Variants in ARL6IP6 observed in about 807,000 individuals in gnomAD.
ARL6IP6 encodes the protein ARF like GTPase 6 interacting protein 6.
In ARL6IP6, 22 loss-of-function variants were observed where a neutral mutation model predicts 21.5. That is an observed-to-expected ratio of 1.02 (90% CI 0.73 to 1.46). ARL6IP6 has a LOEUF of 1.46. ARL6IP6 is among the 40% of genes most tolerant of loss of function. The pLI is 0.00. For missense variants in ARL6IP6, 388 were observed against 299.8 expected, an observed-to-expected ratio of 1.29 and a Z score of -2.17; for synonymous variants, 164 against 125.3, an observed-to-expected ratio of 1.31 and a Z score of -2.06.
intron 3 of ARL6IP6, among the ~76,000 whole-genome samples, chr2:152,753,948 G>A (rs1321771629): frequency 7.9e-5 from 12 of 151,362 alleles, no homozygotes; most frequent in Non-Finnish European, 2.9e-5. Context: ...TGGTCCACCC[G>A]CCTCGGCCTC....
At chr2:152,743,234 A>C (rs1700899599) in intron 3 of ARL6IP6, among the ~76,000 whole-genome samples, 1 of 151,986 alleles carries the variant, frequency 6.6e-6, no homozygotes, top group African/African-American at 2.4e-5. Flanking sequence ...GTTAATAGTT[A>C]TTCAGTGTGC....
At chr2:152,742,618 T>C (rs1405144309) in intron 3 of ARL6IP6, among the ~76,000 whole-genome samples, 1 of 151,548 alleles carries the variant, frequency 6.6e-6, no homozygotes, top group Non-Finnish European at 1.5e-5. Flanking sequence ...ATTCTAGGCT[T>C]GGCCATTGGC....
Position 152,762,260 on chromosome 2 carries a change from C to G in ARL6IP6, c.*2420C>G, listed in dbSNP as rs768349118. On this transcript the variant is annotated 3_prime_UTR_variant, in exon 4 of 4. Coordinates refer to ENST00000326446, the MANE Select transcript of ARL6IP6 (RefSeq NM_152522.7). Reference sequence around the variant, plus strand: ...GGAAATGCTGGCAGCTGTAGTTCAGCCAGGCTCAGTGGGAAAGAATAAGGC... The same window carrying G: ...GGAAATGCTGGCAGCTGTAGTTCAGGCAGGCTCAGTGGGAAAGAATAAGGC... Among the ~76,000 whole-genome samples the G allele has an allele frequency of 2.8e-4, 42 of 152,210 alleles. No homozygotes were observed. Among genetic ancestry groups the G allele is most frequent in the Non-Finnish European group, 4.1e-4 (28 of 68,044 alleles).
intron 3 of ARL6IP6, among the ~76,000 whole-genome samples, chr2:152,756,446 C>G (rs1202781541): frequency 6.6e-6 from 1 of 152,100 alleles, no homozygotes; most frequent in Non-Finnish European, 1.5e-5. Flanking sequence ...CAAAAAAGCA[C>G]TAGCCATTTT....
chr2:152,729,980 AC>A (rs1336075454), intron 2 of ARL6IP6, among the ~76,000 whole-genome samples: 5 of 152,180 alleles, frequency 3.3e-5, no homozygotes, highest in Admixed American at 3.3e-4. Flanking sequence ...TTGGGGAGTT[AC>A]CATTTTCTGT....
intron 2 of ARL6IP6, among the ~76,000 whole-genome samples, chr2:152,730,527 A>T (rs563404569): frequency 6.6e-6 from 1 of 152,292 alleles, no homozygotes; most frequent in East Asian, 1.9e-4. Context: ...GTTGTAGACT[A>T]AATCTTATAA....
chr2:152,725,325 A>T (rs1699990307), intron 2 of ARL6IP6, among the ~76,000 whole-genome samples: 1 of 152,170 alleles, frequency 6.6e-6, no homozygotes, highest in Non-Finnish European at 1.5e-5. Context: ...CGAAAGAATA[A>T]AATAATTATG....
intron 3 of ARL6IP6, among the ~76,000 whole-genome samples, chr2:152,738,142 A>G (rs1192131173): frequency 2.6e-5 from 4 of 152,236 alleles, no homozygotes; most frequent in Non-Finnish European, 5.9e-5. Flanking sequence ...TTAAAGCTCC[A>G]AAATGATCTC....
intron 2 of ARL6IP6, 73 bp from the exon 3 acceptor site, chr2:152,734,921 A>G: frequency 7.0e-7 from 1 of 1,436,638 alleles, no homozygotes; most frequent in Non-Finnish European, 9.7e-7. Flanking sequence ...TGATCTGAAC[A>G]TGAGAGTACT....
At chr2:152,728,568 G>A (rs969468370) in intron 2 of ARL6IP6, among the ~76,000 whole-genome samples, 2 of 152,106 alleles carry the variant, frequency 1.3e-5, no homozygotes, top group African/African-American at 4.8e-5. Context: ...AAAGTTGCCA[G>A]CATATTTTTA....
intron 3 of ARL6IP6, among the ~76,000 whole-genome samples, chr2:152,753,159 A>G (rs1181920455): frequency 2.6e-5 from 4 of 152,120 alleles, no homozygotes; most frequent in Non-Finnish European, 5.9e-5. Context: ...TAAAAGCAGG[A>G]GACTGAAAGG....
At chr2:152,746,001 C>CTTTTTTTTTTTTTTTTTTTT (rs67760283) in intron 3 of ARL6IP6, among the ~76,000 whole-genome samples, 2 of 66,380 alleles carry the variant, frequency 3.0e-5, no homozygotes, top group Admixed American at 1.6e-4. Flanking sequence ...TGCTTTGTAC[C>CTTTTTTTTTTTTTTTTTTTT]TTTTTTTTTT....
intron 3 of ARL6IP6, among the ~76,000 whole-genome samples, chr2:152,757,426 G>GGTA (rs10635202): frequency 0.036 from 5,483 of 152,146 alleles, 200 homozygotes; most frequent in African/African-American, 0.093. Context: ...GATTGGATGA[G>GGTA]GTAGACATTG....
upstream of ARL6IP6, chr2:152,717,704 C>A: frequency 7.2e-7 from 1 of 1,386,822 alleles, no homozygotes; most frequent in Non-Finnish European, 9.4e-7. Context: ...TACCAACTTC[C>A]CCAGGGGAAG....
chr2:152,741,083 A>G (rs534702418), intron 3 of ARL6IP6, among the ~76,000 whole-genome samples: 8 of 152,238 alleles, frequency 5.3e-5, no homozygotes, highest in Admixed American at 5.2e-4. Flanking sequence ...TTTTATAAAA[A>G]TATCTTTGTG....
chr2:152,742,328 G>A (rs1270828172), intron 3 of ARL6IP6, among the ~76,000 whole-genome samples: 2 of 152,144 alleles, frequency 1.3e-5, no homozygotes, highest in African/African-American at 4.8e-5. Flanking sequence ...AGCACTTTGG[G>A]AGGCCAAGGT....
rs1293695380 is a variant in ARL6IP6 at position 152,759,971 on chromosome 2, A to G, written c.*131A>G. On this transcript the variant is annotated 3_prime_UTR_variant, in exon 4 of 4. Transcript: ENST00000326446. ...TTATGTAGTTCAGATATTTATCACA[A>G]TCATCCTCATTATGGAAGACCTTTT... 1 of 703,794 alleles carries G rather than the reference A, an allele frequency of 1.4e-6. No homozygotes were observed. Among genetic ancestry groups the G allele is most frequent in the Middle Eastern group, 3.8e-4 (1 of 2,620 alleles). 43.6% of individuals were successfully genotyped at this position (703,794 alleles called of 1,614,324 possible).
At chr2:152,754,641 CTG>C (rs923836311) in intron 3 of ARL6IP6, among the ~76,000 whole-genome samples, 11 of 152,302 alleles carry the variant, frequency 7.2e-5, no homozygotes, top group African/African-American at 2.2e-4. Context: ...AACCTCCAAA[CTG>C]TTTCCTACAG....
At chr2:152,733,244 G>A (rs16831716) in intron 2 of ARL6IP6, among the ~76,000 whole-genome samples, 6,332 of 152,082 alleles carry the variant, frequency 0.042, 279 homozygotes, top group African/African-American at 0.11. Context: ...CGAATCTTGT[G>A]TTCTGCTTCG....
Sources: gnomAD v4.1 joint callset for allele counts (sites outside exome capture counted in the v4.1 genomes callset) on GRCh38, gnomAD v4.1.1 for gene constraint, MANE v1.5 for transcripts, NCBI Gene and HGNC (gene_info 2026-07-23, HGNC 2026-07-21) for gene names.